The following ADAP1 variants were observed in gnomAD, a reference collection of about 807,000 sequenced individuals.
The protein encoded by ADAP1 is ArfGAP with dual PH domains 1, also known as arf-GAP with dual PH domain-containing protein 1.
ADAP1 carries 31 observed loss-of-function variants against 54.9 expected under a neutral mutation model. That is an observed-to-expected ratio of 0.56 (90% CI 0.42 to 0.76). The LOEUF is 0.76. Ranked by LOEUF, ADAP1 falls within the 30% of genes least tolerant of loss-of-function variation. The pLI is 0.00. For synonymous variants in ADAP1, 313 were observed against 202.6 expected (o/e 1.55, Z -4.63); for missense variants, 535 against 512.4 (o/e 1.04, Z -0.42).
Position 920,777 on chromosome 7 carries a change from G to C in ADAP1, c.306-727C>G, listed in dbSNP as rs763164797. ...CCACCACGGCCTCCCCATCCACCGT[G>C]ACTCACTCGAGTGAAGCCAATACCA... On this transcript the variant is annotated intron_variant, in intron 3 of 10. Transcript: ENST00000265846. This position sits in a 1 kb window ranked among gnomAD's most constrained non-coding sequence, Gnocchi z 4.5. 1.9e-6 allele frequency: 3 copies of C among 1,548,894 alleles called. No homozygotes were observed. Among genetic ancestry groups the C allele is most frequent in the Non-Finnish European group, 2.6e-6 (3 of 1,146,166 alleles).
intron 1 of ADAP1, among the ~76,000 whole-genome samples, chr7:953,174 C>G (rs969024457): frequency 1.3e-5 from 2 of 152,178 alleles, no homozygotes; most frequent in African/African-American, 4.8e-5. Context: ...CTGGGGTGAG[C>G]CAGCCCAGGG....
At chr7:954,366 C>T in intron 1 of ADAP1, 30 bp downstream of exon 1, 1 of 1,053,034 alleles carries the variant, frequency 9.5e-7, no homozygotes. Flanking sequence ...CGGACCCACC[C>T]GGCCCCGCGC....
intron 4 of ADAP1, among the ~76,000 whole-genome samples, chr7:906,811 G>GA (rs1168308181): frequency 7.1e-6 from 1 of 140,104 alleles, no homozygotes; most frequent in Non-Finnish European, 1.5e-5. Flanking sequence ...GACATGGGGG[G>GA]ACATGGGTCA....
chr7:906,763 G>GT (rs1845456594), intron 4 of ADAP1, among the ~76,000 whole-genome samples: 11 of 53,310 alleles, frequency 2.1e-4, no homozygotes, highest in Non-Finnish European at 4.1e-5. Context: ...CATGGACAGG[G>GT]GACATGGGGG....
intron 2 of ADAP1, chr7:935,014 G>C (rs78881059): frequency 0.01 from 4,087 of 390,926 alleles, 106 homozygotes; most frequent in African/African-American, 0.057. Context: ...GCTGCATTCT[G>C]TTTCCTTAGA....
At chr7:905,594 GAGAAAGGAGAAAGGAGAAAGGA>G (rs1845178284) in intron 4 of ADAP1, 2 of 74,444 alleles carry the variant, frequency 2.7e-5, no homozygotes, top group Admixed American at 1.8e-4. Flanking sequence ...AAGGAGAAAG[GAGAAAGGAGAAAGGAGAAAGGA>G]GAAAGGGAAA....
At chr7:903,654 C>T (rs1844933578) in intron 6 of ADAP1, among the ~76,000 whole-genome samples, 1 of 152,048 alleles carries the variant, frequency 6.6e-6, no homozygotes, top group Admixed American at 6.5e-5. Flanking sequence ...ATGCGGGGTA[C>T]ACCCACCCTC....
At position 899,180 on chromosome 7, in the gene ADAP1, G is replaced by A. The variant is rs1242580571; in HGVS notation, c.949C>T (p.Gln317Ter). 2 of 1,612,298 alleles carry A rather than the reference G, an allele frequency of 1.2e-6. No individual in the cohort carries two copies. The highest frequency in any genetic ancestry group is 1.7e-6 in the Non-Finnish European group (2 of 1,179,966). ...ATGCCATGTGGCCAGTGGTGGCCCT[G>A]GGTGGACGGCGGGAACCCATGCAGC... is the stretch of plus-strand genomic sequence containing the variant. Reference protein sequence around the residue: ...TVLHGFPPSTQGHHWPHGITI... With the variant: ...TVLHGFPPST The change falls in exon 10 of 11, where the codon CAG (glutamine) becomes TAG (stop). Residue 317 changes from glutamine (Q) to a stop codon, truncating the protein, a stop_gained. Transcript: ENST00000265846. LOFTEE classifies it high-confidence loss of function.
chr7:918,607 C>G (rs981294029), intron 4 of ADAP1, among the ~76,000 whole-genome samples: 2 of 152,144 alleles, frequency 1.3e-5, no homozygotes, highest in African/African-American at 2.4e-5. Context: ...TCCTTCCTCA[C>G]GTGGCCATGC....
intron 4 of ADAP1, among the ~76,000 whole-genome samples, chr7:907,950 G>A (rs923160038): frequency 1.3e-5 from 2 of 152,010 alleles, no homozygotes; most frequent in African/African-American, 4.8e-5. Context: ...AGGGGTCGCG[G>A]GGCCGTCTGC....
chr7:902,412 T>C (rs13240505), intron 6 of ADAP1, among the ~76,000 whole-genome samples: 156 of 112,276 alleles, frequency 1.4e-3, no homozygotes, highest in East Asian at 4.2e-3. Context: ...GAGCCGAGAT[T>C]GCACCACTGC....
At chr7:931,323 G>C (rs1337051593) in intron 2 of ADAP1, among the ~76,000 whole-genome samples, 1 of 152,182 alleles carries the variant, frequency 6.6e-6, no homozygotes, top group Admixed American at 6.5e-5. Context: ...AGGTAGAGAC[G>C]ACCCACGTGT....
chr7:899,287 CG>C, intron 9 of ADAP1, 26 bp from the exon 10 acceptor site: 1 of 1,611,294 alleles, frequency 6.2e-7, no homozygotes, highest in Non-Finnish European at 8.5e-7. Flanking sequence ...GCACTGGAGG[CG>C]GGGCCATGTC....
chr7:907,656 C>T (rs1245699042), intron 4 of ADAP1, among the ~76,000 whole-genome samples: 1 of 152,212 alleles, frequency 6.6e-6, no homozygotes, highest in East Asian at 1.9e-4. Flanking sequence ...ACTCTGTGTC[C>T]TGCGGACTCA....
intron 4 of ADAP1, among the ~76,000 whole-genome samples, chr7:919,672 G>A (rs1422635969): frequency 1.3e-5 from 1 of 79,886 alleles, no homozygotes; most frequent in East Asian, 3.5e-4. Context: ...AAGAGAGACA[G>A]AAGGAGGGAG....
intron 4 of ADAP1, among the ~76,000 whole-genome samples, chr7:911,253 C>G (rs1033816365): frequency 2.0e-5 from 3 of 152,174 alleles, no homozygotes; most frequent in Non-Finnish European, 2.9e-5. Flanking sequence ...TGTTCCTATT[C>G]TCATATAGCC....
Position 921,812 on chromosome 7 carries a change from G to C in ADAP1, c.306-1762C>G, listed in dbSNP as rs1312278465. On this transcript the variant is annotated intron_variant, in intron 3 of 10. Transcript: ENST00000265846. ...CACGGGAGGACCGAAGGCCGCATGT[G>C]TGGAAGCCGGGGGCCTGTGGATGAG... Among the ~76,000 whole-genome samples, 7 of 152,362 alleles carry C rather than the reference G, an allele frequency of 4.6e-5. No homozygotes were observed. The South Asian group carries it at 6.2e-4, about 14-fold the overall frequency.
At chr7:950,672 C>A (rs1847245247) in intron 1 of ADAP1, among the ~76,000 whole-genome samples, 1 of 151,524 alleles carries the variant, frequency 6.6e-6, no homozygotes, top group Non-Finnish European at 1.5e-5. Context: ...GCCTGGCCAA[C>A]ATGGCGAAAC....
chr7:904,108 G>C lies in ADAP1; in HGVS notation c.648+18C>G. On this transcript the variant is annotated intron_variant, in intron 6 of 10. Transcript: ENST00000265846. ...ACCCTCCTGTGCCACCCGGGCCCGA[G>C]TGCTCGCCAGCACCCACCTTCCCGT... 2 of 1,611,186 alleles carry C rather than the reference G, an allele frequency of 1.2e-6. No homozygotes were observed. Among genetic ancestry groups the C allele is most frequent in the South Asian group, 2.2e-5 (2 of 91,004 alleles).
Sources: gnomAD v4.1 joint callset for allele counts (sites outside exome capture counted in the v4.1 genomes callset) on GRCh38, gnomAD v4.1.1 for gene constraint, Gnocchi (gnomAD v3.1) non-coding constraint, MANE v1.5 for transcripts, NCBI Gene and HGNC (gene_info 2026-07-23, HGNC 2026-07-21) for gene names.